The following SEM1 variants were observed in gnomAD, a reference collection of about 807,000 sequenced individuals.
The protein encoded by SEM1 is SEM1 26S proteasome subunit.
In SEM1, 3 loss-of-function variants were observed where a neutral mutation model predicts 12.7. The observed-to-expected ratio is 0.24, with a 90% CI of 0.11 to 0.61. The LOEUF is 0.61. SEM1 is among the 20% of genes least tolerant of loss of function. The pLI is 0.88. For missense variants in SEM1, 59 were observed against 81.3 expected (o/e 0.73, Z 1.06); for synonymous variants, 30 against 27.8 (o/e 1.08, Z -0.25).
At chr7:96,683,995 T>C (rs974029604), downstream of SEM1, among the ~76,000 whole-genome samples, 6 of 152,200 alleles carry the variant, frequency 3.9e-5, no homozygotes, top group Non-Finnish European at 8.8e-5. Flanking sequence ...TTGCACATTC[T>C]GCACATGTAA....
At chr7:96,668,776 C>A (rs990389383), downstream of SEM1, among the ~76,000 whole-genome samples, 1 of 152,056 alleles carries the variant, frequency 6.6e-6, no homozygotes, top group African/African-American at 2.4e-5. Context: ...GAAATCTTAA[C>A]CCCTAGTACT....
intron 2 of SEM1, among the ~76,000 whole-genome samples, chr7:96,613,083 T>C (rs1807592997): frequency 6.6e-6 from 1 of 152,260 alleles, no homozygotes; most frequent in Non-Finnish European, 1.5e-5. Context: ...GAAAAAGTTG[T>C]GTTTTAATGG....
intron 1 of SEM1, among the ~76,000 whole-genome samples, chr7:96,492,822 T>A (rs1326899532): frequency 2.6e-5 from 4 of 151,798 alleles, no homozygotes; most frequent in African/African-American, 9.7e-5. Flanking sequence ...CATTCCTTCA[T>A]CCTTCAATGG....
At chr7:96,540,032 T>A (rs973271549) in intron 2 of SEM1, among the ~76,000 whole-genome samples, 1 of 150,576 alleles carries the variant, frequency 6.6e-6, no homozygotes, top group Non-Finnish European at 1.5e-5. Context: ...TAAAAATAAT[T>A]CAAAAATCAT....
intron 3 of SEM1, among the ~76,000 whole-genome samples, chr7:96,505,766 A>G (rs1803736784): frequency 1.3e-5 from 2 of 152,014 alleles, no homozygotes; most frequent in Middle Eastern, 3.2e-3. Context: ...CACTAATCCA[A>G]ACTCTTGAGG....
chr7:96,616,398 T>C (rs1807723689), intron 2 of SEM1, among the ~76,000 whole-genome samples: 2 of 152,080 alleles, frequency 1.3e-5, no homozygotes, highest in Non-Finnish European at 2.9e-5. Context: ...TTTTTCAGTG[T>C]TTGTTTTTTT....
At chr7:96,540,572 G>T (rs1045755369) in intron 2 of SEM1, among the ~76,000 whole-genome samples, 2 of 151,668 alleles carry the variant, frequency 1.3e-5, no homozygotes, top group Non-Finnish European at 2.9e-5. Context: ...CACCTATAAA[G>T]ATACCTTTGT....
chr7:96,629,639 C>T (rs906532029), intron 2 of SEM1, among the ~76,000 whole-genome samples: 2 of 152,024 alleles, frequency 1.3e-5, no homozygotes, highest in South Asian at 4.1e-4. Flanking sequence ...GTCCCTAGTG[C>T]CTTATTTAGT....
At chr7:96,624,297 G>C (rs751134111) in intron 2 of SEM1, among the ~76,000 whole-genome samples, 2 of 152,102 alleles carry the variant, frequency 1.3e-5, no homozygotes, top group Non-Finnish European at 2.9e-5. Context: ...TAGATATATG[G>C]GAGTACATTG....
intron 2 of SEM1, among the ~76,000 whole-genome samples, chr7:96,602,245 CAG>C (rs1350831955): frequency 6.6e-6 from 1 of 152,130 alleles, no homozygotes; most frequent in African/African-American, 2.4e-5. Context: ...GTGGGGATAA[CAG>C]AGGACCAGAC....
intron 2 of SEM1, among the ~76,000 whole-genome samples, chr7:96,555,933 ACCATTATGTAATGG>A (rs1563058731): frequency 6.9e-6 from 1 of 144,074 alleles, no homozygotes; most frequent in African/African-American, 2.5e-5. Context: ...TGATCCCTTT[ACCATTATGTAATGG>A]CCTTCTTTGT....
At chr7:96,584,394 C>T (rs1021348263) in intron 2 of SEM1, among the ~76,000 whole-genome samples, 4 of 152,024 alleles carry the variant, frequency 2.6e-5, no homozygotes, top group African/African-American at 9.7e-5. Flanking sequence ...TCTGGCTGCC[C>T]TTAACATTTT....
intron 2 of SEM1, among the ~76,000 whole-genome samples, chr7:96,625,210 C>G (rs767345531): frequency 9.9e-5 from 15 of 152,192 alleles, no homozygotes; most frequent in Non-Finnish European, 1.8e-4. Flanking sequence ...TCCCACACCT[C>G]AGGGTGCCAG....
intron 2 of SEM1, among the ~76,000 whole-genome samples, chr7:96,531,377 T>C (rs1584741753): frequency 6.6e-6 from 1 of 150,734 alleles, no homozygotes; most frequent in Admixed American, 6.6e-5. Flanking sequence ...AAGACCAGCC[T>C]GGGCAACATG....
intron 2 of SEM1, among the ~76,000 whole-genome samples, chr7:96,693,650 G>C (rs1789995477): frequency 6.6e-6 from 1 of 152,036 alleles, no homozygotes; most frequent in Non-Finnish European, 1.5e-5. Flanking sequence ...TTCACACCCT[G>C]CTAGTACGAA....
chr7:96,538,484 A>G (rs1251201057), intron 2 of SEM1, among the ~76,000 whole-genome samples: 1 of 151,856 alleles, frequency 6.6e-6, no homozygotes, highest in Admixed American at 6.6e-5. Flanking sequence ...TTCTGTAGCT[A>G]TAGGTGCAAA....
intron 2 of SEM1, among the ~76,000 whole-genome samples, chr7:96,682,576 G>C (rs907838636): frequency 6.6e-6 from 1 of 151,814 alleles, no homozygotes; most frequent in Non-Finnish European, 1.5e-5. Context: ...AACCCTAAAA[G>C]AAAACCTAGG....
chr7:96,482,688 C>T (rs1038399790), exon 4 of SEM1: 5 of 152,132 alleles, frequency 3.3e-5, no homozygotes, highest in African/African-American at 1.2e-4. Flanking sequence ...GTCATGGAGG[C>T]TTATACCATC....
chr7:96,662,177 T>A (rs1460390908), intron 2 of SEM1, among the ~76,000 whole-genome samples: 5 of 152,078 alleles, frequency 3.3e-5, no homozygotes, highest in Admixed American at 6.5e-5. Flanking sequence ...ACTGGGCATA[T>A]ACCCAAAGGA....
Sources: allele counts gnomAD v4.1 joint callset (sites outside exome capture counted in the v4.1 genomes callset), GRCh38; gene constraint gnomAD v4.1.1; transcripts MANE v1.5; gene names NCBI Gene and HGNC (gene_info 2026-07-23, HGNC 2026-07-21).